The following ATAD5 variants were observed in gnomAD, a reference collection of about 807,000 sequenced individuals.
The protein encoded by ATAD5 is ATPase family AAA domain-containing protein 5.
Under a neutral mutation model 176.9 loss-of-function variants are expected in ATAD5, and 58 were observed. The observed-to-expected ratio is 0.33, with a 90% CI of 0.27 to 0.41. The LOEUF (loss-of-function observed/expected upper bound fraction) is 0.41, where lower values mean the gene tolerates loss of function less well. Among genes scored for constraint, ATAD5 ranks in the 10% least tolerant of loss-of-function variants. The pLI is 1.00. For missense variants in ATAD5, 1,789 were observed against 2,094.1 expected, an observed-to-expected ratio of 0.85 and a Z score of 2.84; for synonymous variants, 640 against 712.6, an observed-to-expected ratio of 0.90 and a Z score of 1.62.
intron 6 of ATAD5, among the ~76,000 whole-genome samples, chr17:30,846,412 TTTTTTTTTTTA>T (rs2142331958): frequency 6.7e-6 from 1 of 150,068 alleles, no homozygotes; most frequent in South Asian, 2.1e-4. Flanking sequence ...TTTTTTTTCT[TTTTTTTTTTTA>T]GACGGAGTCT....
chr17:30,861,035 C>T (rs1408356727), intron 10 of ATAD5, among the ~76,000 whole-genome samples: 1 of 151,934 alleles, frequency 6.6e-6, no homozygotes, highest in Non-Finnish European at 1.5e-5. Context: ...GAACTCCTGA[C>T]CGCATTATTC....
At position 30,834,693 on chromosome 17, in the gene ATAD5, G is replaced by A; in HGVS notation, c.612G>A (p.Lys204=). The A allele has an allele frequency of 6.2e-7, 1 of 1,609,608 alleles. No homozygotes were observed. The highest frequency in any genetic ancestry group is 8.5e-7 in the Non-Finnish European group (1 of 1,178,982). ...KQGTTKNDFK[K]LRKRKCRDVV... The stretch of plus-strand genomic sequence containing the variant: ...GGACCACAAAAAATGACTTCAAAAA[G>A]TTGAGAAAAAGGAAATGCAGAGATG... The change falls in exon 2 of 23, where the codon AAG becomes AAA. Residue 204 remains lysine, a synonymous_variant. Coordinates refer to ENST00000321990, the MANE Select transcript of ATAD5 (RefSeq NM_024857.5).
In ATAD5 at chr17:30,887,232, A is replaced by C; in HGVS notation, c.4118A>C (p.Glu1373Ala). The C allele has an allele frequency of 6.3e-7, 1 of 1,596,470 alleles. No homozygotes were observed. ...ASYLQMICLT[E>A]NFRTDVKDFV... The stretch of plus-strand genomic sequence containing the variant: ...TACCTACAAATGATTTGCTTAACTG[A>C]GAATTTTAGAACTGATGTAAAAGAC... Residue 1373 changes from glutamate (E) to alanine (A), a missense_variant, in exon 19 of 23, where the codon GAG (glutamate) becomes GCG (alanine). Glu to Ala is a moderately radical substitution (Grantham distance 107). Transcript: ENST00000321990.
Position 30,835,851 on chromosome 17 carries a change from G to C in ATAD5, c.1770G>C (p.Thr590=), listed in dbSNP as rs754173777. The C allele has an allele frequency of 1.2e-6, 2 of 1,613,706 alleles. No homozygotes were observed. Among genetic ancestry groups the C allele is most frequent in the African/African-American group, 2.7e-5 (2 of 74,876 alleles). ...ESEASLLNVS[T]PKSTRRSGRI... ...AAGCCAGCTTGCTAAATGTTTCCAC[G>C]CCCAAGTCAACTAGAAGATCTGGAA... is the stretch of plus-strand genomic sequence containing the variant. Residue 590 remains threonine, a synonymous_variant, in exon 2 of 23, where the codon ACG becomes ACC. Coordinates refer to ENST00000321990, the MANE Select transcript of ATAD5 (RefSeq NM_024857.5).
chr17:30,878,184 A>G (rs1908781942), intron 17 of ATAD5, 88 bp downstream of exon 17: 1 of 873,490 alleles, frequency 1.1e-6, no homozygotes. Flanking sequence ...TAACTCACAA[A>G]TAGCAATTAC....
chr17:30,883,474 TCTCA>T (rs2142434922), intron 18 of ATAD5, among the ~76,000 whole-genome samples: 1 of 152,196 alleles, frequency 6.6e-6, no homozygotes, highest in South Asian at 2.1e-4. Context: ...ATGTAACACA[TCTCA>T]CTAATTTTTA....
At chr17:30,884,699 G>T (rs1231732865) in intron 18 of ATAD5, among the ~76,000 whole-genome samples, 1 of 150,586 alleles carries the variant, frequency 6.6e-6, no homozygotes, top group African/African-American at 2.4e-5. Flanking sequence ...AAAATGCTGG[G>T]ATTACAGACG....
In ATAD5 at chr17:30,858,340, A is replaced by T; in HGVS notation, c.2956+17A>T. The T allele has an allele frequency of 7.0e-7, 1 of 1,421,132 alleles. No individual in the cohort carries two copies. The highest frequency in any genetic ancestry group is 1.5e-5 in the African/African-American group (1 of 68,146). 88.0% of individuals were successfully genotyped at this position (1,421,132 alleles called of 1,614,324 possible). On this transcript the variant is annotated intron_variant, in intron 9 of 22. Transcript: ENST00000321990. The stretch of plus-strand genomic sequence containing the variant: ...GTAAACAAGGTTAGTGATAATTATT[A>T]TCATTTATGTTAACATACCAGTTTT...
At position 30,834,819 on chromosome 17, in the gene ATAD5, A is replaced by C. The variant is rs760087393; in HGVS notation, c.738A>C (p.Ala246=). The C allele has an allele frequency of 1.2e-6, 2 of 1,614,016 alleles. No individual in the cohort carries two copies. The highest frequency in any genetic ancestry group is 1.7e-5 in the Admixed American group (1 of 60,006). Residue 246 remains alanine (A), a synonymous_variant, in exon 2 of 23, where the codon GCA becomes GCC. Coordinates refer to ENST00000321990, the MANE Select transcript of ATAD5 (RefSeq NM_024857.5). ...TKQMENTTSH[A]NSRDNVTEAA... ...AGATGGAGAATACTACAAGCCATGC[A>C]AACTCTAGAGATAACGTAACTGAAG...
intron 17 of ATAD5, among the ~76,000 whole-genome samples, chr17:30,878,718 G>GTTTGTTTTT (rs1908813836): frequency 1.8e-5 from 1 of 56,838 alleles, no homozygotes; most frequent in Non-Finnish European, 3.2e-5. Context: ...GTTAGGTGGT[G>GTTTGTTTTT]TTTTTTTTTT....
At chr17:30,885,942 C>T (rs2142442204) in intron 18 of ATAD5, among the ~76,000 whole-genome samples, 1 of 152,068 alleles carries the variant, frequency 6.6e-6, no homozygotes, top group East Asian at 1.9e-4. Context: ...GAATTTTTAT[C>T]AAGAGTAGGT....
chr17:30,855,166 A>C lies in ATAD5; in HGVS notation c.2474A>C (p.Gln825Pro). Reference sequence around the variant, plus strand: ...AGTCAAGATACATCTGAAAAATCTCAGGATTGTGATGTTCAATGTAAAGCA... The same window carrying C: ...AGTCAAGATACATCTGAAAAATCTCCGGATTGTGATGTTCAATGTAAAGCA... ...ESSQDTSEKS[Q>P]DCDVQCKAKR... Residue 825 changes from glutamine to proline, a missense_variant, in exon 7 of 23, where the codon CAG (glutamine) becomes CCG (proline). Gln to Pro is a moderately conservative substitution (Grantham distance 76). This residue lies in a region of ATAD5 where 487 missense variants were observed against 573.6 expected (regional missense o/e 0.85). Coordinates refer to ENST00000321990, the MANE Select transcript of ATAD5 (RefSeq NM_024857.5). 6.2e-7 allele frequency: 1 copy of C among 1,602,096 alleles called. No homozygotes were observed. Among genetic ancestry groups the C allele is most frequent in the Non-Finnish European group, 8.5e-7 (1 of 1,176,650 alleles).
In ATAD5 at chr17:30,894,003, T is replaced by G; in HGVS notation, c.5150T>G (p.Phe1717Cys). Reference sequence around the variant, plus strand: ...AAGGCAGCTGCAGAAGCTCTCAGCTTTACTAAATGTTCTTCTGCTATTTCA... The same window carrying G: ...AAGGCAGCTGCAGAAGCTCTCAGCTGTACTAAATGTTCTTCTGCTATTTCA... ...ELKAAAEALS[F>C]TKCSSAISKA... is the part of the protein sequence containing the mutation. The change falls in exon 21 of 23, where the codon TTT (phenylalanine) becomes TGT (cysteine). Residue 1717 changes from phenylalanine (F) to cysteine (C), a missense_variant. Phe to Cys is a radical substitution (Grantham distance 205, BLOSUM62 -2). This residue lies in a region of ATAD5 where 403 missense variants were observed against 495.1 expected (regional missense o/e 0.81). Coordinates refer to ENST00000321990, the MANE Select transcript of ATAD5 (RefSeq NM_024857.5). The G allele has an allele frequency of 6.2e-7, 1 of 1,613,750 alleles. No homozygotes were observed. The highest frequency in any genetic ancestry group is 8.5e-7 in the Non-Finnish European group (1 of 1,179,780).
rs775492618 is a variant in ATAD5, at chr17:30,832,418, G to A, written c.66+5G>A. On this transcript the variant is annotated splice_donor_5th_base_variant and intron_variant, in intron 1 of 22. Transcript: ENST00000321990. Reference sequence around the variant, plus strand: ...GTGAAGGACTGCGAGATTGAGGTGAGGTTGAGTCGAGGATCTGTTGAGTTC... The same window carrying A: ...GTGAAGGACTGCGAGATTGAGGTGAAGTTGAGTCGAGGATCTGTTGAGTTC... 1 of 1,559,744 alleles carries A rather than the reference G, an allele frequency of 6.4e-7. No homozygotes were observed. The highest frequency in any genetic ancestry group is 8.7e-7 in the Non-Finnish European group (1 of 1,152,126).
intron 5 of ATAD5, 88 bp from the exon 6 acceptor site, chr17:30,844,747 C>CAAAA (rs569986111): frequency 0.013 from 4,522 of 343,960 alleles, 51 homozygotes; most frequent in South Asian, 0.022. Flanking sequence ...GACTCCATCT[C>CAAAA]AAAAAAAAAA....
intron 18 of ATAD5, 50 bp from the exon 19 acceptor site, chr17:30,887,142 G>GT (rs763495579): frequency 6.9e-7 from 1 of 1,443,730 alleles, no homozygotes; most frequent in Non-Finnish European, 9.3e-7. Context: ...TATTATTGCT[G>GT]TATCTATTTG....
At chr17:30,842,536 C>T (rs1425551979) in intron 4 of ATAD5, among the ~76,000 whole-genome samples, 1 of 152,072 alleles carries the variant, frequency 6.6e-6, no homozygotes, top group Non-Finnish European at 1.5e-5. Flanking sequence ...TTCCCAATTT[C>T]TTCTATATTG....
At chr17:30,844,174 G>C (rs1906319111) in intron 5 of ATAD5, 135 bp downstream of exon 5, 2 of 823,092 alleles carry the variant, frequency 2.4e-6, no homozygotes, top group Non-Finnish European at 3.3e-6. Flanking sequence ...TGTCACTCAG[G>C]CTGGAGTGCA....
chr17:30,884,342 G>A (rs1909186737), intron 18 of ATAD5, among the ~76,000 whole-genome samples: 1 of 150,252 alleles, frequency 6.7e-6, no homozygotes, highest in African/African-American at 2.5e-5. Flanking sequence ...ATTTCACTTA[G>A]CATAACATCC....
Sources: allele counts gnomAD v4.1 joint callset (sites outside exome capture counted in the v4.1 genomes callset), GRCh38; gene constraint gnomAD v4.1.1; regional missense constraint gnomAD v4.1.1; transcripts MANE v1.5; gene names NCBI Gene and HGNC (gene_info 2026-07-23, HGNC 2026-07-21).